The following LRFN2 variants were observed in gnomAD, a reference collection of about 807,000 sequenced individuals.
LRFN2 encodes leucine-rich repeat and fibronectin type-III domain-containing protein 2.
In LRFN2, 18 loss-of-function variants were observed where a neutral mutation model predicts 37.3. The observed-to-expected ratio is 0.48, with a 90% CI of 0.33 to 0.72. The LOEUF is 0.72. Ranked by LOEUF, LRFN2 falls within the 30% of genes least tolerant of loss-of-function variation. LRFN2 has a pLI of 0.02. For synonymous variants in LRFN2, 556 were observed against 466.6 expected, an observed-to-expected ratio of 1.19 and a Z score of -2.47; for missense variants, 1,006 against 1,060.7, an observed-to-expected ratio of 0.95 and a Z score of 0.72.
intron 2 of LRFN2, among the ~76,000 whole-genome samples, chr6:40,400,881 G>A (rs541527114): frequency 4.0e-5 from 6 of 151,728 alleles, no homozygotes; most frequent in African/African-American, 1.5e-4. Flanking sequence ...CTGAATGTGT[G>A]GGTATTTGTG....
intron 1 of LRFN2, among the ~76,000 whole-genome samples, chr6:40,556,157 T>C (rs1292110359): frequency 5.9e-5 from 9 of 152,158 alleles, no homozygotes; most frequent in East Asian, 1.9e-4. Context: ...ATTGGCCTTA[T>C]GGTTCTAAAC....
intron 1 of LRFN2, among the ~76,000 whole-genome samples, chr6:40,558,002 C>T (rs1581794002): frequency 6.6e-6 from 1 of 152,210 alleles, no homozygotes; most frequent in East Asian, 1.9e-4. Context: ...CGCTTGTCCA[C>T]TTGCCTGAAA....
intron 1 of LRFN2, among the ~76,000 whole-genome samples, chr6:40,526,497 T>C (rs1409166166): frequency 6.6e-6 from 1 of 152,134 alleles, no homozygotes; most frequent in African/African-American, 2.4e-5. Flanking sequence ...GTACCTGTCT[T>C]TAGCACACCA....
At chr6:40,496,441 C>T (rs998248116) in intron 1 of LRFN2, among the ~76,000 whole-genome samples, 21 of 152,014 alleles carry the variant, frequency 1.4e-4, no homozygotes, top group Admixed American at 8.5e-4. Context: ...CTGTGTGATT[C>T]GGTCTCTGCC....
chr6:40,481,726 T>A (rs573881886), intron 1 of LRFN2, among the ~76,000 whole-genome samples: 2 of 152,132 alleles, frequency 1.3e-5, no homozygotes, highest in African/African-American at 4.8e-5. Context: ...TGCCAAATGC[T>A]CCCTGGGTGA....
At chr6:40,545,729 G>A (rs2082560) in intron 1 of LRFN2, among the ~76,000 whole-genome samples, 1 of 152,016 alleles carries the variant, frequency 6.6e-6, no homozygotes, top group African/African-American at 2.4e-5. Context: ...GAAAAGCAGG[G>A]GAAAAGGATG....
chr6:40,488,033 G>A (rs1765006499), intron 1 of LRFN2, among the ~76,000 whole-genome samples: 1 of 152,114 alleles, frequency 6.6e-6, no homozygotes, highest in Admixed American at 6.5e-5. Flanking sequence ...TTCTTCCCTA[G>A]CCACGGGTCG....
intron 1 of LRFN2, among the ~76,000 whole-genome samples, chr6:40,571,260 G>C (rs972442914): frequency 1.6e-4 from 25 of 152,238 alleles, no homozygotes; most frequent in South Asian, 2.1e-4. Context: ...GTAAACATCT[G>C]TTAACTGCAA....
intron 1 of LRFN2, among the ~76,000 whole-genome samples, chr6:40,474,622 T>C (rs1316717607): frequency 6.6e-6 from 1 of 152,094 alleles, no homozygotes; most frequent in Non-Finnish European, 1.5e-5. Flanking sequence ...CCCAAGTAGC[T>C]GGGATTAGAG....
At chr6:40,529,199 T>C (rs939485539) in intron 1 of LRFN2, among the ~76,000 whole-genome samples, 2 of 152,034 alleles carry the variant, frequency 1.3e-5, no homozygotes, top group African/African-American at 4.8e-5. Flanking sequence ...AGCTCTGAAG[T>C]CACTGCGAGG....
chr6:40,460,680 C>T (rs563534460), intron 1 of LRFN2, among the ~76,000 whole-genome samples: 2 of 152,210 alleles, frequency 1.3e-5, no homozygotes, highest in South Asian at 4.2e-4. Context: ...AATACCCTAT[C>T]CAGGGAGCTG....
Position 40,583,013 on chromosome 6 carries a change from C to T in LRFN2, c.-19+3928G>A, listed in dbSNP as rs114041976. 3.9e-3 allele frequency among the ~76,000 whole-genome samples: 596 copies of T among 152,204 alleles called. 3 individuals carry two copies. The highest frequency in any genetic ancestry group is 0.013 in the African/African-American group (545 of 41,536). ...CTCCCTCACTATCTTCTGGATTCCC[C>T]GTCTCACTAATCCACCTCTTCTAAC... On this transcript the variant is annotated intron_variant, in intron 1 of 2. Transcript: ENST00000338305.
intron 1 of LRFN2, among the ~76,000 whole-genome samples, chr6:40,542,676 G>A (rs984452056): frequency 6.6e-6 from 1 of 152,144 alleles, no homozygotes; most frequent in Admixed American, 6.5e-5. Context: ...ACCCAGCCCT[G>A]CTCCCCAACT....
intron 1 of LRFN2, among the ~76,000 whole-genome samples, chr6:40,446,114 A>G (rs974261551): frequency 6.6e-6 from 1 of 152,154 alleles, no homozygotes; most frequent in African/African-American, 2.4e-5. Flanking sequence ...TGGGGACCTC[A>G]CCATTAGTTT....
intron 1 of LRFN2, among the ~76,000 whole-genome samples, chr6:40,488,054 G>A (rs1197740574): frequency 6.6e-6 from 1 of 152,010 alleles, no homozygotes; most frequent in Non-Finnish European, 1.5e-5. Flanking sequence ...AAAAGGAGAG[G>A]GAATATTTTC....
At chr6:40,394,684 C>T (rs1046857478) in intron 2 of LRFN2, among the ~76,000 whole-genome samples, 1 of 152,144 alleles carries the variant, frequency 6.6e-6, no homozygotes, top group Non-Finnish European at 1.5e-5. Flanking sequence ...ACCCAAATCT[C>T]ATCTTGAATT....
intron 1 of LRFN2, among the ~76,000 whole-genome samples, chr6:40,568,365 G>A (rs1007770726): frequency 6.6e-6 from 1 of 152,134 alleles, no homozygotes; most frequent in African/African-American, 2.4e-5. Flanking sequence ...TGTCTAAGAT[G>A]GTATATTGGA....
At position 40,432,481 on chromosome 6, in the gene LRFN2, C is replaced by A; in HGVS notation, c.633G>T (p.Lys211Asn). Reference sequence around the variant, plus strand: ...GGGCAAAGATGGGATCAGGGGGCAGCTTCTGCAGCCGATTGGAGGTGAGAT... The same window carrying A: ...GGGCAAAGATGGGATCAGGGGGCAGATTCTGCAGCCGATTGGAGGTGAGAT... ...RLDLTSNRLQ[K>N]LPPDPIFARS... Residue 211 changes from lysine (K) to asparagine (N), a missense_variant, in exon 2 of 3, where the codon AAG becomes AAT. Physicochemically the swap from Lys to Asn is moderately conservative, Grantham distance 94. Transcript: ENST00000338305. The A allele has an allele frequency of 1.2e-6, 2 of 1,614,214 alleles. No individual in the cohort carries two copies. The highest frequency in any genetic ancestry group is 1.7e-6 in the Non-Finnish European group (2 of 1,180,042).
intron 1 of LRFN2, among the ~76,000 whole-genome samples, chr6:40,455,453 A>G (rs1417490362): frequency 6.6e-6 from 1 of 152,150 alleles, no homozygotes; most frequent in East Asian, 1.9e-4. Flanking sequence ...TCAAGAGCAG[A>G]CCCTTAAGGG....
Sources: gnomAD v4.1 joint callset for allele counts (sites outside exome capture counted in the v4.1 genomes callset) on GRCh38, gnomAD v4.1.1 for gene constraint, MANE v1.5 for transcripts, NCBI Gene and HGNC (gene_info 2026-07-23, HGNC 2026-07-21) for gene names.